The following RARB variants were observed in gnomAD, a reference collection of about 807,000 sequenced individuals.
RARB encodes retinoic acid receptor beta.
In RARB, 17 loss-of-function variants were observed where a neutral mutation model predicts 51.9. The observed-to-expected ratio is 0.33, with a 90% CI of 0.22 to 0.49. RARB has a LOEUF of 0.49. Among genes scored for constraint, RARB ranks in the 20% least tolerant of loss-of-function variants. RARB has a pLI of 0.99. For synonymous variants in RARB, 215 were observed against 195.4 expected (o/e 1.10, Z -0.84); for missense variants, 369 against 550.8 (o/e 0.67, Z 3.30).
intron 2 of RARB, among the ~76,000 whole-genome samples, chr3:24,979,732 G>T (rs1185127232): frequency 2.0e-5 from 3 of 151,958 alleles, no homozygotes; most frequent in Admixed American, 1.3e-4. Flanking sequence ...TATCCAGTTT[G>T]CCAGCCTGTG....
In RARB at chr3:25,409,334, C is replaced by T. The variant is rs146820571; in HGVS notation, c.179-51859C>T. On this transcript the variant is annotated intron_variant, in intron 5 of 11. Coordinates refer to the RARB transcript ENST00000383772. ...CATCTGTTAGCAAAGGCTCTGCAAA[C>T]CTTCTCCTCCTCATCAGCTCGCACA... Among the ~76,000 whole-genome samples, 326 of 152,274 alleles carry T rather than the reference C, an allele frequency of 2.1e-3. 1 individual carries two copies. Among genetic ancestry groups the T allele is most frequent in the African/African-American group, 7.5e-3 (313 of 41,542 alleles).
chr3:24,944,617 G>T (rs184241869), intron 2 of RARB, among the ~76,000 whole-genome samples: 1 of 152,266 alleles, frequency 6.6e-6, no homozygotes, highest in East Asian at 1.9e-4. Flanking sequence ...TGTGGATTCT[G>T]TCCTTTAGAC....
At chr3:25,335,401 A>T (rs1705034806) in intron 5 of RARB, among the ~76,000 whole-genome samples, 1 of 152,238 alleles carries the variant, frequency 6.6e-6, no homozygotes, top group East Asian at 1.9e-4. Flanking sequence ...CAGGGCACTG[A>T]TTATGAACTG....
At chr3:25,095,860 CT>C (rs1699283889) in intron 3 of RARB, among the ~76,000 whole-genome samples, 1 of 152,154 alleles carries the variant, frequency 6.6e-6, no homozygotes, top group Admixed American at 6.5e-5. Context: ...ATGGTGATGT[CT>C]TCTTAACTGC....
chr3:25,387,079 C>G (rs1706816945), intron 5 of RARB, among the ~76,000 whole-genome samples: 1 of 152,166 alleles, frequency 6.6e-6, no homozygotes, highest in Non-Finnish European at 1.5e-5. Context: ...AGAAATGCAT[C>G]TGTTAGCAAT....
At chr3:25,260,909 A>G (rs1215922126) in intron 5 of RARB, among the ~76,000 whole-genome samples, 3 of 152,146 alleles carry the variant, frequency 2.0e-5, no homozygotes, top group African/African-American at 7.2e-5. Flanking sequence ...AGGACATGAG[A>G]CAGCAAAGCT....
chr3:24,930,477 A>G (rs551430648), intron 2 of RARB, among the ~76,000 whole-genome samples: 1 of 152,110 alleles, frequency 6.6e-6, no homozygotes, highest in African/African-American at 2.4e-5. Flanking sequence ...AAAGCCATTC[A>G]ATAGGGCTTT....
At chr3:25,516,631 C>CTTTTTTTTT (rs559135603) in intron 3 of RARB, among the ~76,000 whole-genome samples, 1 of 131,728 alleles carries the variant, frequency 7.6e-6, no homozygotes, top group African/African-American at 3.3e-5. Flanking sequence ...ATTTCCTTGT[C>CTTTTTTTTT]TTTTTTTTTT....
At chr3:24,947,791 A>G (rs1394697475) in intron 2 of RARB, among the ~76,000 whole-genome samples, 3 of 152,182 alleles carry the variant, frequency 2.0e-5, no homozygotes, top group Non-Finnish European at 4.4e-5. Context: ...TAGAGCTGCA[A>G]TCAGGTCTCA....
chr3:25,567,086 C>T (rs114031605), intron 3 of RARB, among the ~76,000 whole-genome samples: 83 of 152,276 alleles, frequency 5.5e-4, no homozygotes, highest in African/African-American at 1.8e-3. Flanking sequence ...CAAACAGTTC[C>T]TGGTATTTAG....
chr3:24,995,606 G>T (rs1029277189), intron 2 of RARB, among the ~76,000 whole-genome samples: 1 of 152,026 alleles, frequency 6.6e-6, no homozygotes, highest in East Asian at 1.9e-4. Context: ...CTGTGGGTTT[G>T]TCATATATGG....
At chr3:25,005,016 C>T (rs1335540197) in intron 2 of RARB, among the ~76,000 whole-genome samples, 5 of 152,074 alleles carry the variant, frequency 3.3e-5, no homozygotes, top group Non-Finnish European at 7.4e-5. Context: ...TTTTCCCATA[C>T]CCTACATCAA....
chr3:25,518,080 T>A (rs539376551), intron 3 of RARB, among the ~76,000 whole-genome samples: 1 of 152,334 alleles, frequency 6.6e-6, no homozygotes, highest in South Asian at 2.1e-4. Flanking sequence ...TGTGAATATA[T>A]TAAAAACCAC....
At chr3:24,867,515 C>G (rs955303859) in intron 2 of RARB, among the ~76,000 whole-genome samples, 1 of 152,140 alleles carries the variant, frequency 6.6e-6, no homozygotes, top group South Asian at 2.1e-4. Flanking sequence ...GAAGTAACGA[C>G]TGTTCATATA....
At chr3:25,442,135 T>C (rs939839882) in intron 1 of RARB, among the ~76,000 whole-genome samples, 3 of 151,350 alleles carry the variant, frequency 2.0e-5, no homozygotes, top group Admixed American at 6.6e-5. Flanking sequence ...TTTATTTATT[T>C]ATTTATTTAT....
At chr3:25,263,833 G>A (rs1559336964) in intron 5 of RARB, among the ~76,000 whole-genome samples, 1 of 152,130 alleles carries the variant, frequency 6.6e-6, no homozygotes, top group Non-Finnish European at 1.5e-5. Flanking sequence ...CTGTCTCTGG[G>A]GGACACACTG....
chr3:25,423,661 A>C (rs1575390315), upstream of RARB, among the ~76,000 whole-genome samples: 1 of 152,358 alleles, frequency 6.6e-6, no homozygotes, highest in South Asian at 2.1e-4. Context: ...TTGAATTTTT[A>C]TGAGCATGTA....
chr3:25,014,203 TA>T (rs1365093222), intron 2 of RARB, among the ~76,000 whole-genome samples: 1 of 152,166 alleles, frequency 6.6e-6, no homozygotes, highest in Non-Finnish European at 1.5e-5. Flanking sequence ...GCAATATAAC[TA>T]TGTCTCTTTT....
At chr3:25,418,116 G>A (rs1326889952) in intron 5 of RARB, among the ~76,000 whole-genome samples, 1 of 152,214 alleles carries the variant, frequency 6.6e-6, no homozygotes, top group Non-Finnish European at 1.5e-5. Context: ...TTGTGTTGAT[G>A]AGAACATGGC....
Sources: gnomAD v4.1 joint callset for allele counts (sites outside exome capture counted in the v4.1 genomes callset) on GRCh38, gnomAD v4.1.1 for gene constraint, MANE v1.5 for transcripts, NCBI Gene and HGNC (gene_info 2026-07-23, HGNC 2026-07-21) for gene names.